ZFHX3: variants seen among roughly 807,000 people sequenced by gnomAD.
The protein encoded by ZFHX3 is zinc finger homeobox 3, also known as zinc finger homeobox protein 3.
ZFHX3 carries 42 observed loss-of-function variants against 279.1 expected under a neutral mutation model. That is an observed-to-expected ratio of 0.15 (90% CI 0.12 to 0.19). The LOEUF (loss-of-function observed/expected upper bound fraction) is 0.19, where lower values mean the gene tolerates loss of function less well. Among genes scored for constraint, ZFHX3 ranks in the 10% least tolerant of loss-of-function variants. The probability of loss-of-function intolerance (pLI) is 1.00; values close to 1 mark genes in which losing one functional copy is unlikely to be tolerated. For synonymous variants in ZFHX3, 2,293 were observed against 1,957.8 expected (o/e 1.17, Z -4.52); for missense variants, 4,981 against 4,754.0 (o/e 1.05, Z -1.40).
chr16:72,838,486 G>A (rs1447236456), intron 4 of ZFHX3, among the ~76,000 whole-genome samples: 5 of 152,236 alleles, frequency 3.3e-5, no homozygotes, highest in South Asian at 2.1e-4. Context: ...AGCCTGTTAC[G>A]AGTCCAAAGT....
At chr16:73,226,707 T>C (rs2012604097) in intron 5 of ZFHX3, among the ~76,000 whole-genome samples, 1 of 152,236 alleles carries the variant, frequency 6.6e-6, no homozygotes, top group Non-Finnish European at 1.5e-5. Context: ...TTCTTCCAAA[T>C]TGATGGTACT....
At chr16:73,536,127 G>A (rs921530353) in intron 2 of ZFHX3, among the ~76,000 whole-genome samples, 2 of 152,092 alleles carry the variant, frequency 1.3e-5, no homozygotes, top group African/African-American at 2.4e-5. Flanking sequence ...TAGTTGATTG[G>A]GGTTGGCTGG....
intron 3 of ZFHX3, among the ~76,000 whole-genome samples, chr16:72,896,638 C>T (rs557011193): frequency 1.3e-5 from 2 of 152,220 alleles, no homozygotes; most frequent in East Asian, 1.9e-4. Context: ...AATAATGCAT[C>T]GTGAAAATCA....
intron 1 of ZFHX3, chr16:73,796,589 G>A (rs1298736341): frequency 6.6e-6 from 1 of 152,234 alleles, no homozygotes; most frequent in Non-Finnish European, 1.5e-5. Context: ...ACAAAGCTAT[G>A]AGCGTTAGAG....
chr16:73,705,746 T>G (rs2053297121), intron 1 of ZFHX3, among the ~76,000 whole-genome samples: 1 of 152,180 alleles, frequency 6.6e-6, no homozygotes, highest in Non-Finnish European at 1.5e-5. Flanking sequence ...TCATTACTCT[T>G]TCTATCTTCC....
At chr16:73,557,689 C>A (rs1001246088) in intron 2 of ZFHX3, among the ~76,000 whole-genome samples, 2 of 152,066 alleles carry the variant, frequency 1.3e-5, no homozygotes, top group African/African-American at 4.8e-5. Flanking sequence ...GGGTTTTGGC[C>A]GGCTTCTTTA....
At chr16:73,600,160 A>G (rs1422528411) in intron 2 of ZFHX3, among the ~76,000 whole-genome samples, 5 of 152,158 alleles carry the variant, frequency 3.3e-5, no homozygotes, top group Admixed American at 6.6e-5. Context: ...TAACCTCCAA[A>G]TCTGGATAAG....
At chr16:72,930,834 T>A (rs898906814) in intron 3 of ZFHX3, among the ~76,000 whole-genome samples, 2 of 152,204 alleles carry the variant, frequency 1.3e-5, no homozygotes, top group African/African-American at 4.8e-5. Context: ...GACTTGTATA[T>A]GACAGTCATA....
intron 3 of ZFHX3, among the ~76,000 whole-genome samples, chr16:73,450,488 A>C (rs1317384788): frequency 1.3e-5 from 2 of 152,206 alleles, no homozygotes; most frequent in African/African-American, 4.8e-5. Flanking sequence ...TAAAAGAAAA[A>C]ATATAGGCTT....
At chr16:73,365,043 C>A (rs966304070) in intron 3 of ZFHX3, among the ~76,000 whole-genome samples, 1 of 152,330 alleles carries the variant, frequency 6.6e-6, no homozygotes, top group East Asian at 1.9e-4. Context: ...CCTCTCCCCC[C>A]ACCCAGGCAT....
intron 1 of ZFHX3, among the ~76,000 whole-genome samples, chr16:73,024,440 G>C (rs954260131): frequency 6.6e-6 from 1 of 152,170 alleles, no homozygotes; most frequent in South Asian, 2.1e-4. Flanking sequence ...CATGAAGACT[G>C]AGTCTGAGAT....
chr16:73,824,161 A>G (rs144182692), intron 1 of ZFHX3, among the ~76,000 whole-genome samples: 1 of 152,242 alleles, frequency 6.6e-6, no homozygotes, highest in Admixed American at 6.5e-5. Context: ...AGCCTTTAAT[A>G]TCCTACTGTG....
rs1036741698 is a variant in ZFHX3, at chr16:72,905,594, G to T, written c.3217-15632C>A. Among the ~76,000 whole-genome samples, 9 of 152,138 alleles carry T rather than the reference G, an allele frequency of 5.9e-5. No homozygotes were observed. The South Asian group carries it at 1.7e-3, about 28-fold the overall frequency. On this transcript the variant is annotated intron_variant, in intron 3 of 9. Coordinates refer to ENST00000268489, the MANE Select transcript of ZFHX3 (RefSeq NM_006885.4). ...GTACACTCCGCAGATGCCTCCCAGG[G>T]GGAGTAACTCAGGCTGTCAGAATTC...
chr16:73,586,533 A>T (rs1453655935), intron 2 of ZFHX3, among the ~76,000 whole-genome samples: 3 of 152,300 alleles, frequency 2.0e-5, no homozygotes, highest in Non-Finnish European at 2.9e-5. Flanking sequence ...TGGATAAAAT[A>T]GACTTTAATT....
At chr16:73,440,809 T>A (rs2018079307) in intron 3 of ZFHX3, among the ~76,000 whole-genome samples, 2 of 152,202 alleles carry the variant, frequency 1.3e-5, no homozygotes, top group African/African-American at 4.8e-5. Context: ...AGCTCCCATG[T>A]GTATAAACAC....
In ZFHX3 at chr16:72,928,019, G is replaced by A. The variant is rs556808689; in HGVS notation, c.3216+22450C>T. On this transcript the variant is annotated intron_variant, in intron 3 of 9. Coordinates refer to ENST00000268489, the MANE Select transcript of ZFHX3 (RefSeq NM_006885.4). ...GGGATGCGCCAGAGGCCTCCAGGCT[G>A]CACAGTGCCCCCTGGGGCTGGCACC... is the stretch of plus-strand genomic sequence containing the variant. 3.4e-5 allele frequency among the ~76,000 whole-genome samples: 5 copies of A among 146,952 alleles called. No homozygotes were observed. In the East Asian group the frequency reaches 8.2e-4, roughly 24 times the overall value.
intron 4 of ZFHX3, among the ~76,000 whole-genome samples, chr16:72,871,267 C>A (rs1442167361): frequency 2.0e-5 from 3 of 151,856 alleles, no homozygotes; most frequent in Non-Finnish European, 4.4e-5. Flanking sequence ...CCTCTGCCTG[C>A]CAGGTTCAAG....
At chr16:73,303,783 C>A (rs1032231167) in intron 4 of ZFHX3, among the ~76,000 whole-genome samples, 5 of 151,870 alleles carry the variant, frequency 3.3e-5, no homozygotes, top group Admixed American at 3.3e-4. Context: ...AAGTCGACAG[C>A]AATTAAGTCT....
At chr16:73,191,791 C>T (rs1968042164) in intron 5 of ZFHX3, among the ~76,000 whole-genome samples, 1 of 152,100 alleles carries the variant, frequency 6.6e-6, no homozygotes, top group Non-Finnish European at 1.5e-5. Context: ...CTGCACTGGG[C>T]TGCCCTGGGA....
Sources: gnomAD v4.1 joint callset for allele counts (sites outside exome capture counted in the v4.1 genomes callset) on GRCh38, gnomAD v4.1.1 for gene constraint, MANE v1.5 for transcripts, NCBI Gene and HGNC (gene_info 2026-07-23, HGNC 2026-07-21) for gene names.